The following PARD3B variants were observed in gnomAD, a reference collection of about 807,000 sequenced individuals.
PARD3B encodes partitioning defective 3 homolog B.
PARD3B carries 103 observed loss-of-function variants against 130.2 expected under a neutral mutation model. That is an observed-to-expected ratio of 0.79 (90% CI 0.67 to 0.93). The LOEUF (loss-of-function observed/expected upper bound fraction) is 0.93. Among genes scored for constraint, PARD3B ranks in the 40% least tolerant of loss-of-function variants. PARD3B has a pLI of 0.00. For synonymous variants in PARD3B, 583 were observed against 553.2 expected, an observed-to-expected ratio of 1.05 and a Z score of -0.76; for missense variants, 1,609 against 1,499.2, an observed-to-expected ratio of 1.07 and a Z score of -1.21.
chr2:205,216,804 T>G (rs1474035480), intron 15 of PARD3B, among the ~76,000 whole-genome samples: 3 of 152,100 alleles, frequency 2.0e-5, no homozygotes, highest in Non-Finnish European at 4.4e-5. Context: ...TGCTCAGGGA[T>G]CCGTACCAAA....
intron 1 of PARD3B, among the ~76,000 whole-genome samples, chr2:204,645,513 A>G (rs937285721): frequency 6.6e-6 from 1 of 152,258 alleles, no homozygotes; most frequent in African/African-American, 2.4e-5. Context: ...AATGTGACAT[A>G]TTAGTTAAGG....
chr2:205,185,663 G>A (rs966286357), intron 13 of PARD3B, 101 bp from the exon 14 acceptor site: 7 of 864,248 alleles, frequency 8.1e-6, no homozygotes, highest in Admixed American at 5.5e-5. Flanking sequence ...GCTGGTTTAT[G>A]TGTTGGCTAA....
intron 18 of PARD3B, among the ~76,000 whole-genome samples, chr2:205,354,712 G>A (rs1442585917): frequency 6.6e-6 from 1 of 152,168 alleles, no homozygotes; most frequent in Non-Finnish European, 1.5e-5. Context: ...GTATCCCAGA[G>A]ATTACAAACA....
chr2:205,037,472 A>AATATAGTGGACTATATATATAAAAT lies in PARD3B; in HGVS notation c.395-10081_395-10057dup, dbSNP rs1322115589. 1.7e-3 allele frequency among the ~76,000 whole-genome samples: 252 copies of AATATAGTGGACTATATATATAAAAT among 147,638 alleles called. 1 individual carries two copies. The highest frequency in any genetic ancestry group is 3.0e-3 in the Non-Finnish European group (202 of 66,964). ...TATATATGGTGGACTATATGCATAA[A>AATATAGTGGACTATATATATAAAAT]ATATAGTGGACTATATATATAAAAT... On this transcript the variant is annotated intron_variant, in intron 3 of 22. Coordinates refer to ENST00000406610, the MANE Select transcript of PARD3B (RefSeq NM_001302769.2).
chr2:204,841,250 A>C (rs1469438357), intron 2 of PARD3B, among the ~76,000 whole-genome samples: 1 of 152,126 alleles, frequency 6.6e-6, no homozygotes, highest in East Asian at 1.9e-4. Context: ...TGGAAGCTCC[A>C]AAACAGAGTG....
chr2:205,231,952 A>G (rs142118576), intron 15 of PARD3B, among the ~76,000 whole-genome samples: 24 of 152,336 alleles, frequency 1.6e-4, no homozygotes, highest in East Asian at 9.7e-4. Context: ...AGTGAGACCA[A>G]TGTTTGTTCC....
At chr2:205,361,435 C>G (rs1050781497) in intron 18 of PARD3B, among the ~76,000 whole-genome samples, 5 of 152,196 alleles carry the variant, frequency 3.3e-5, no homozygotes, top group African/African-American at 1.2e-4. Context: ...TGAGTACACA[C>G]TGACGAATTC....
chr2:205,430,683 C>T (rs1462096488), intron 19 of PARD3B, among the ~76,000 whole-genome samples: 3 of 152,096 alleles, frequency 2.0e-5, no homozygotes, highest in African/African-American at 7.2e-5. Context: ...CAGAGAAATC[C>T]AGCACATGGG....
chr2:204,803,163 A>AATATAT (rs1553528189), intron 2 of PARD3B, among the ~76,000 whole-genome samples: 75 of 90,624 alleles, frequency 8.3e-4, no homozygotes, highest in South Asian at 1.4e-3. Context: ...AAAAAAAAAA[A>AATATAT]ATATATATAT....
intron 2 of PARD3B, among the ~76,000 whole-genome samples, chr2:204,696,926 GTTCAGAAATAATGTC>G (rs1182272732): frequency 6.6e-6 from 1 of 152,060 alleles, no homozygotes; most frequent in African/African-American, 2.4e-5. Flanking sequence ...ATAGAAACAT[GTTCAGAAATAATGTC>G]TTCATTAATC....
chr2:205,594,919 A>G (rs1200630448), intron 22 of PARD3B, among the ~76,000 whole-genome samples: 1 of 152,210 alleles, frequency 6.6e-6, no homozygotes. Context: ...TATACTCCAC[A>G]TAGAAGATCC....
chr2:205,277,649 AG>A (rs1399904156), intron 16 of PARD3B, among the ~76,000 whole-genome samples: 1 of 152,110 alleles, frequency 6.6e-6, no homozygotes, highest in Non-Finnish European at 1.5e-5. Context: ...CCAATGGAGG[AG>A]GGAGGGAACT....
At chr2:204,620,301 C>T (rs1031820668) in intron 1 of PARD3B, among the ~76,000 whole-genome samples, 1 of 152,140 alleles carries the variant, frequency 6.6e-6, no homozygotes, top group South Asian at 2.1e-4. Flanking sequence ...CCTCACCCGG[C>T]TCATGCACCT....
intron 18 of PARD3B, among the ~76,000 whole-genome samples, chr2:205,322,580 C>T (rs1365942826): frequency 2.0e-5 from 3 of 152,158 alleles, no homozygotes; most frequent in Non-Finnish European, 2.9e-5. Flanking sequence ...TAACAACACT[C>T]GTGCACATGA....
intron 4 of PARD3B, among the ~76,000 whole-genome samples, chr2:205,090,824 G>A (rs960217794): frequency 1.3e-5 from 2 of 152,148 alleles, no homozygotes; most frequent in Admixed American, 1.3e-4. Context: ...GAAAAGATTG[G>A]CCCATTAGTG....
chr2:204,585,822 TA>T (rs2032795768), intron 1 of PARD3B, among the ~76,000 whole-genome samples: 1 of 152,220 alleles, frequency 6.6e-6, no homozygotes, highest in Admixed American at 6.5e-5. Context: ...TATATAGTTT[TA>T]AAAATACGCA....
At chr2:204,842,143 T>C (rs2044280604) in intron 2 of PARD3B, among the ~76,000 whole-genome samples, 1 of 152,176 alleles carries the variant, frequency 6.6e-6, no homozygotes, top group African/African-American at 2.4e-5. Context: ...TGAGTTTGTG[T>C]ATATTCCTGT....
At chr2:204,769,515 A>G (rs2041271886) in intron 2 of PARD3B, among the ~76,000 whole-genome samples, 1 of 30,564 alleles carries the variant, frequency 3.3e-5, no homozygotes, top group Non-Finnish European at 4.9e-5. Flanking sequence ...TGCTGGCCTC[A>G]TAAAATGAGT....
intron 16 of PARD3B, among the ~76,000 whole-genome samples, chr2:205,277,178 G>A (rs1387972983): frequency 6.6e-6 from 1 of 152,216 alleles, no homozygotes; most frequent in Non-Finnish European, 1.5e-5. Context: ...AAGTGACCGT[G>A]ACTTCATCAC....
Sources: allele counts gnomAD v4.1 joint callset (sites outside exome capture counted in the v4.1 genomes callset), GRCh38; gene constraint gnomAD v4.1.1; transcripts MANE v1.5; gene names NCBI Gene and HGNC (gene_info 2026-07-23, HGNC 2026-07-21).